LRRTM4: variants seen among roughly 807,000 people sequenced by gnomAD.
LRRTM4 encodes the protein leucine rich repeat transmembrane neuronal 4.
Under a neutral mutation model 47.6 loss-of-function variants are expected in LRRTM4, and 25 were observed. The ratio of observed to expected loss-of-function variants is 0.53; its 90% CI spans 0.38 to 0.73. The LOEUF (loss-of-function observed/expected upper bound fraction) is 0.73. Among genes scored for constraint, LRRTM4 ranks in the 30% least tolerant of loss-of-function variants. The pLI, the probability that LRRTM4 is intolerant of heterozygous loss-of-function variation, is 0.00. For missense variants in LRRTM4, 638 were observed against 713.4 expected (o/e 0.89, Z 1.20); for synonymous variants, 311 against 269.5 (o/e 1.15, Z -1.51).
intron 3 of LRRTM4, among the ~76,000 whole-genome samples, chr2:77,344,516 A>T (rs1484711008): frequency 6.6e-6 from 1 of 151,918 alleles, no homozygotes; most frequent in Non-Finnish European, 1.5e-5. Context: ...AACAAAAAAG[A>T]TCAGGGGAAA....
rs116729367 is a variant in LRRTM4 at position 77,181,154 on chromosome 2, A to G, written c.1551+337164T>C. The stretch of plus-strand genomic sequence containing the variant: ...ATGTTTTGAGAAGTGTCTGTAAACA[A>G]TACTACAGGTAAGACTGGGATGAGG... On this transcript the variant is annotated intron_variant, in intron 3 of 3. Transcript: ENST00000409884. Among the ~76,000 whole-genome samples the G allele has an allele frequency of 4.0e-3, 606 of 152,320 alleles. 5 individuals are homozygous for G. The highest frequency in any genetic ancestry group is 0.013 in the African/African-American group (541 of 41,584).
chr2:77,185,066 C>A (rs1441629211), intron 3 of LRRTM4, among the ~76,000 whole-genome samples: 1 of 152,120 alleles, frequency 6.6e-6, no homozygotes, highest in Non-Finnish European at 1.5e-5. Flanking sequence ...TACTTCTGGC[C>A]TTTACCCATC....
At chr2:76,974,223 CATACATATATATAT>C (rs1206664063) in intron 3 of LRRTM4, among the ~76,000 whole-genome samples, 2 of 115,976 alleles carry the variant, frequency 1.7e-5, no homozygotes, top group East Asian at 2.6e-4. Context: ...CATATATATA[CATACATATATATAT>C]ATACATATAT....
intron 3 of LRRTM4, among the ~76,000 whole-genome samples, chr2:77,392,275 G>C (rs1173452574): frequency 6.6e-6 from 1 of 151,838 alleles, no homozygotes; most frequent in Admixed American, 6.6e-5. Flanking sequence ...CCTATGACCT[G>C]GAAGCCCTGC....
intron 3 of LRRTM4, among the ~76,000 whole-genome samples, chr2:77,077,477 T>G (rs1558566197): frequency 6.6e-6 from 1 of 152,164 alleles, no homozygotes; most frequent in African/African-American, 2.4e-5. Context: ...TTGGGAAATT[T>G]TGGTATGAAT....
intron 3 of LRRTM4, among the ~76,000 whole-genome samples, chr2:77,444,490 T>A (rs1359456806): frequency 6.6e-6 from 1 of 152,088 alleles, no homozygotes; most frequent in Non-Finnish European, 1.5e-5. Flanking sequence ...AATTGATTAT[T>A]TCCAGGATGG....
intron 3 of LRRTM4, among the ~76,000 whole-genome samples, chr2:77,357,876 A>C (rs181253871): frequency 1.3e-5 from 2 of 152,250 alleles, no homozygotes; most frequent in East Asian, 3.9e-4. Flanking sequence ...AATAATAGAA[A>C]AAATAACTTC....
chr2:77,414,439 G>A (rs78114771), intron 3 of LRRTM4, among the ~76,000 whole-genome samples: 8,954 of 152,172 alleles, frequency 0.059, 910 homozygotes, highest in African/African-American at 0.2. Context: ...CCTCTCCCCA[G>A]ACCTTGTCTT....
intron 3 of LRRTM4, among the ~76,000 whole-genome samples, chr2:76,900,340 T>C (rs985536115): frequency 2.3e-5 from 3 of 128,258 alleles, no homozygotes; most frequent in Admixed American, 8.8e-5. Flanking sequence ...GATAAAAATA[T>C]GAATTTATTT....
At chr2:77,508,770 A>G (rs1678869723) in intron 3 of LRRTM4, among the ~76,000 whole-genome samples, 1 of 152,122 alleles carries the variant, frequency 6.6e-6, no homozygotes, top group South Asian at 2.1e-4. Context: ...AAATACTTAT[A>G]CACAAATTAT....
intron 3 of LRRTM4, among the ~76,000 whole-genome samples, chr2:77,037,474 GT>G (rs1235114698): frequency 6.6e-6 from 1 of 151,544 alleles, no homozygotes; most frequent in Non-Finnish European, 1.5e-5. Flanking sequence ...GCTCCTACAT[GT>G]TTTGTCTCTA....
chr2:77,287,770 A>C (rs1339043600), intron 3 of LRRTM4, among the ~76,000 whole-genome samples: 1 of 152,166 alleles, frequency 6.6e-6, no homozygotes, highest in Admixed American at 6.6e-5. Flanking sequence ...TCTTACAATT[A>C]GCTTCTGTGG....
At chr2:76,950,015 G>A (rs1364440063) in intron 3 of LRRTM4, among the ~76,000 whole-genome samples, 2 of 151,866 alleles carry the variant, frequency 1.3e-5, no homozygotes, top group East Asian at 3.9e-4. Context: ...ACAGTAAGAT[G>A]CATAAGCTTG....
At chr2:77,002,036 A>C (rs185861969) in intron 3 of LRRTM4, among the ~76,000 whole-genome samples, 58 of 152,244 alleles carry the variant, frequency 3.8e-4, no homozygotes, top group African/African-American at 1.4e-3. Flanking sequence ...TCTTCCACAC[A>C]ATTTATAAAA....
chr2:76,879,887 C>G lies in LRRTM4; in HGVS notation c.1552-130971G>C, dbSNP rs550406592. Among the ~76,000 whole-genome samples the G allele has an allele frequency of 4.6e-5, 7 of 152,144 alleles. No homozygotes were observed. In the South Asian group the frequency reaches 1.4e-3, roughly 32 times the overall value. On this transcript the variant is annotated intron_variant, in intron 3 of 3. Coordinates refer to ENST00000409884, the MANE Select transcript of LRRTM4 (RefSeq NM_001134745.3). ...TAATGGGTGACTTTGAGGGGTTCATCATTTCAGTGGAGGAAGTAATTGCAA... is the reference window on the plus strand; with the variant it reads ...TAATGGGTGACTTTGAGGGGTTCATGATTTCAGTGGAGGAAGTAATTGCAA...
intron 3 of LRRTM4, among the ~76,000 whole-genome samples, chr2:76,867,619 G>A (rs762292588): frequency 1.4e-4 from 21 of 152,170 alleles, no homozygotes; most frequent in Non-Finnish European, 2.2e-4. Flanking sequence ...ATGTGGAACT[G>A]ATGCTACAGT....
intron 3 of LRRTM4, among the ~76,000 whole-genome samples, chr2:76,913,937 C>T (rs998971431): frequency 2.0e-5 from 3 of 151,940 alleles, no homozygotes; most frequent in African/African-American, 7.3e-5. Flanking sequence ...ATATGCTAGA[C>T]TTTTGCACTG....
chr2:76,797,952 C>A (rs1421579510), intron 3 of LRRTM4, among the ~76,000 whole-genome samples: 2 of 150,184 alleles, frequency 1.3e-5, no homozygotes, highest in East Asian at 1.9e-4. Context: ...ACAGGAGCAT[C>A]CAGATTCATA....
intron 3 of LRRTM4, among the ~76,000 whole-genome samples, chr2:77,137,446 G>T (rs938043791): frequency 4.6e-5 from 7 of 151,806 alleles, no homozygotes; most frequent in Non-Finnish European, 1.0e-4. Flanking sequence ...TCACCACCAG[G>T]CCTGCCCTAC....
Sources: gnomAD v4.1 joint callset for allele counts (sites outside exome capture counted in the v4.1 genomes callset) on GRCh38, gnomAD v4.1.1 for gene constraint, MANE v1.5 for transcripts, NCBI Gene and HGNC (gene_info 2026-07-23, HGNC 2026-07-21) for gene names.